The following KIF15 variants were observed in gnomAD, a reference collection of about 807,000 sequenced individuals.
KIF15 encodes the protein kinesin-like protein KIF15.
In KIF15, 140 loss-of-function variants were observed where a neutral mutation model predicts 190.6. The ratio of observed to expected loss-of-function variants is 0.73; its 90% CI spans 0.64 to 0.84. KIF15 has a LOEUF of 0.84. Among genes scored for constraint, KIF15 ranks in the 40% least tolerant of loss-of-function variants. The pLI is 0.00. For missense variants in KIF15, 1,372 were observed against 1,584.4 expected (o/e 0.87, Z 2.28); for synonymous variants, 528 against 551.3 (o/e 0.96, Z 0.59).
intron 6 of KIF15, among the ~76,000 whole-genome samples, chr3:44,867,840 A>G (rs957242586): frequency 2.6e-5 from 4 of 152,254 alleles, no homozygotes; most frequent in Non-Finnish European, 5.9e-5. Context: ...AATAAACTAT[A>G]TCAATACTAT....
In KIF15 at chr3:44,826,120, G is replaced by C; in HGVS notation, c.2631G>C (p.Glu877Asp). 1.3e-6 allele frequency: 2 copies of C among 1,588,494 alleles called. No individual in the cohort carries two copies. The highest frequency in any genetic ancestry group is 1.7e-6 in the Non-Finnish European group (2 of 1,173,870). ...ACTTACAAGAAATAATGAAATTTGA[G>C]ATTGACCAACTTTCAAGAAACCTCC... ...YDNLQEIMKF[E>D]IDQLSRNLQN... Residue 877 changes from glutamate (E) to aspartate (D), a missense_variant, in exon 21 of 35, where the codon GAG (glutamate) becomes GAC (aspartate). Coordinates refer to ENST00000326047, the MANE Select transcript of KIF15 (RefSeq NM_020242.3).
chr3:44,778,537 C>G (rs1706004355), intron 4 of KIF15, among the ~76,000 whole-genome samples: 1 of 152,156 alleles, frequency 6.6e-6, no homozygotes, highest in African/African-American at 2.4e-5. Flanking sequence ...CCTCTGACAG[C>G]AGCTAAAAAA....
intron 8 of KIF15, among the ~76,000 whole-genome samples, chr3:44,796,983 G>A (rs933404117): frequency 1.9e-4 from 29 of 151,828 alleles, no homozygotes; most frequent in Non-Finnish European, 8.8e-5. Flanking sequence ...CAATCATGAA[G>A]TGACATTAAT....
rs74491662 is a variant in KIF15 at position 44,830,017 on chromosome 3, C to T, written c.2990C>T (p.Ser997Leu). The change falls in exon 25 of 35, where the codon TCG becomes TTG. Residue 997 changes from serine to leucine, a missense_variant. Physicochemically the swap from Ser to Leu is moderately radical, Grantham distance 145. Coordinates refer to ENST00000326047, the MANE Select transcript of KIF15 (RefSeq NM_020242.3). ...AACCAGATCCAGGAGCTAAGAACAT[C>T]GGTCTGTGAGAAAACAGAAACTATA... ...LMNQIQELRT[S>L]VCEKTETIDT... The T allele has an allele frequency of 8.1e-4, 1,286 of 1,597,364 alleles. 3 individuals are homozygous for T. The African/African-American group carries it at 0.015, about 19-fold the overall frequency.
At chr3:44,848,623 G>GAT in intron 32 of KIF15, 65 bp downstream of exon 32, 1 of 730,356 alleles carries the variant, frequency 1.4e-6, no homozygotes, top group South Asian at 1.9e-5. Flanking sequence ...CTAAAGGAAT[G>GAT]ATATACCACA....
chr3:44,812,292 G>A lies in KIF15; in HGVS notation c.2277+3G>A. 1 of 1,603,038 alleles carries A rather than the reference G, an allele frequency of 6.2e-7. No individual in the cohort carries two copies. The highest frequency in any genetic ancestry group is 8.5e-7 in the Non-Finnish European group (1 of 1,170,368). ...ATCATTCTACCCAAATGCAGGAGGT[G>A]AGACCAAGAGCACAGCCTCAGAAAA... On this transcript the variant is annotated splice_donor_region_variant and intron_variant, in intron 18 of 34. Coordinates refer to ENST00000326047, the MANE Select transcript of KIF15 (RefSeq NM_020242.3).
chr3:44,794,483 C>T (rs1706875918), intron 8 of KIF15, 57 bp downstream of exon 8: 1 of 1,290,994 alleles, frequency 7.7e-7, no homozygotes, highest in South Asian at 1.4e-5. Flanking sequence ...GCAGTCAATA[C>T]AGTCGTGATG....
At chr3:44,793,607 C>G (rs999396415) in intron 7 of KIF15, among the ~76,000 whole-genome samples, 10 of 152,186 alleles carry the variant, frequency 6.6e-5, no homozygotes, top group Admixed American at 6.5e-4. Context: ...CCACCCTTTA[C>G]AAATTTCCTA....
At chr3:44,777,408 C>T (rs1260312222) in intron 3 of KIF15, among the ~76,000 whole-genome samples, 1 of 151,960 alleles carries the variant, frequency 6.6e-6, no homozygotes, top group Non-Finnish European at 1.5e-5. Flanking sequence ...ATAAGTAAAA[C>T]GAGGACTGGG....
chr3:44,834,358 T>C (rs560160173), intron 26 of KIF15, among the ~76,000 whole-genome samples: 12 of 152,188 alleles, frequency 7.9e-5, no homozygotes, highest in Non-Finnish European at 1.5e-4. Flanking sequence ...TGACTGTTAT[T>C]TGCAGATGGT....
intron 7 of KIF15, among the ~76,000 whole-genome samples, chr3:44,791,124 A>G (rs1052869444): frequency 6.6e-6 from 1 of 152,002 alleles, no homozygotes; most frequent in Non-Finnish European, 1.5e-5. Flanking sequence ...GGTTTCTACC[A>G]TCTTTCTTAG....
chr3:44,777,032 T>C (rs145686625), intron 3 of KIF15, among the ~76,000 whole-genome samples: 1 of 150,468 alleles, frequency 6.6e-6, no homozygotes, highest in Non-Finnish European at 1.5e-5. Flanking sequence ...GTGTCTTGCT[T>C]TGTTGCCAAG....
intron 14 of KIF15, 27 bp from the exon 15 acceptor site, chr3:44,805,000 A>G (rs906169550): frequency 3.4e-5 from 53 of 1,580,840 alleles, no homozygotes; most frequent in Non-Finnish European, 4.3e-5. Flanking sequence ...AAAAAAAAAA[A>G]GACTGAGATT....
intron 1 of KIF15, among the ~76,000 whole-genome samples, chr3:44,768,278 A>G (rs1034748282): frequency 1.3e-5 from 2 of 152,200 alleles, no homozygotes; most frequent in African/African-American, 2.4e-5. Context: ...GTCTCAAAAA[A>G]AAAAGAAAAG....
chr3:44,813,518 A>G (rs1235790543), intron 19 of KIF15, among the ~76,000 whole-genome samples: 3 of 151,990 alleles, frequency 2.0e-5, no homozygotes, highest in African/African-American at 7.3e-5. Context: ...CCCGAGTTCA[A>G]GCGATTCCCC....
chr3:44,764,552 G>A (rs559419547), intron 1 of KIF15, among the ~76,000 whole-genome samples: 36 of 152,282 alleles, frequency 2.4e-4, no homozygotes, highest in African/African-American at 8.7e-4. Flanking sequence ...TAAAGCTACT[G>A]AGAATAGACT....
chr3:44,862,256 G>T (rs1172783713), intron 6 of KIF15: 2 of 562,370 alleles, frequency 3.6e-6, no homozygotes, highest in African/African-American at 2.0e-5. Flanking sequence ...CACCCTCGCC[G>T]GTCTGTCCCG....
At chr3:44,850,068 G>A (rs1331844329) in intron 32 of KIF15, among the ~76,000 whole-genome samples, 4 of 152,146 alleles carry the variant, frequency 2.6e-5, no homozygotes, top group African/African-American at 9.7e-5. Context: ...TTAAGTAAAT[G>A]GCAATGAAGG....
chr3:44,785,670 T>C (rs1706369053), intron 6 of KIF15, among the ~76,000 whole-genome samples: 1 of 152,264 alleles, frequency 6.6e-6, no homozygotes, highest in South Asian at 2.1e-4. Context: ...TGAAATAATT[T>C]AGTACCATGC....
Sources: allele counts gnomAD v4.1 joint callset (sites outside exome capture counted in the v4.1 genomes callset), GRCh38; gene constraint gnomAD v4.1.1; transcripts MANE v1.5; gene names NCBI Gene and HGNC (gene_info 2026-07-23, HGNC 2026-07-21).